Variants in REEP1 observed in about 807,000 individuals in gnomAD.
REEP1 encodes receptor expression-enhancing protein 1.
REEP1 carries 22 observed loss-of-function variants against 40.3 expected under a neutral mutation model. That is an observed-to-expected ratio of 0.55 (90% CI 0.39 to 0.78). REEP1 has a LOEUF of 0.78. Ranked by LOEUF, REEP1 falls within the 30% of genes least tolerant of loss-of-function variation. REEP1 has a pLI of 0.00. For missense variants in REEP1, 280 were observed against 361.1 expected, an observed-to-expected ratio of 0.78 and a Z score of 1.82; for synonymous variants, 116 against 139.2, an observed-to-expected ratio of 0.83 and a Z score of 1.17.
chr2:86,217,146 G>A (rs775245928), intron 8 of REEP1, 36 bp from the exon 9 acceptor site: 1 of 1,567,174 alleles, frequency 6.4e-7, no homozygotes, highest in African/African-American at 1.4e-5. Context: ...CCTCAGTTTG[G>A]TGTAAATGTG....
At chr2:86,245,890 G>C (rs544435202) in intron 5 of REEP1, among the ~76,000 whole-genome samples, 1 of 151,058 alleles carries the variant, frequency 6.6e-6, no homozygotes, top group African/African-American at 2.4e-5. Flanking sequence ...TCAGCCTCCC[G>C]AGTAGCTGGG....
intron 2 of REEP1, among the ~76,000 whole-genome samples, chr2:86,277,917 A>C (rs1037571532): frequency 1.3e-5 from 2 of 152,238 alleles, no homozygotes; most frequent in African/African-American, 4.8e-5. Context: ...AGGTGCAAAT[A>C]AATTTTGTCC....
intron 2 of REEP1, among the ~76,000 whole-genome samples, 182 bp from the exon 3 acceptor site, chr2:86,264,223 G>A (rs2104304731): frequency 6.6e-6 from 1 of 152,146 alleles, no homozygotes; most frequent in East Asian, 1.9e-4. Context: ...TCTTGAAGCT[G>A]GAAGCAAATG....
At chr2:86,306,592 A>G (rs377621941) in intron 1 of REEP1, among the ~76,000 whole-genome samples, 3 of 152,230 alleles carry the variant, frequency 2.0e-5, no homozygotes, top group African/African-American at 7.2e-5. Flanking sequence ...GGGGACAAGC[A>G]GTTACTGTAA....
chr2:86,271,327 AAAAG>A lies in REEP1; in HGVS notation c.106-7290_106-7287del, dbSNP rs1361948804. On this transcript the variant is annotated intron_variant, in intron 2 of 8. Coordinates refer to ENST00000538924, the MANE Select transcript of REEP1 (RefSeq NM_001371279.1). Reference sequence around the variant, plus strand: ...CATAGTAAAACTGCTTAAAAAAAAAAAAAGAAAGAAAAGAAGAGAAAAAAAGAAA... The same window carrying A: ...CATAGTAAAACTGCTTAAAAAAAAAAAAAGAAAAGAAGAGAAAAAAAGAAA... 7.8e-4 allele frequency among the ~76,000 whole-genome samples: 119 copies of A among 152,044 alleles called. 1 individual carries two copies. In the East Asian group the frequency reaches 8.1e-3, roughly 10 times the overall value.
intron 1 of REEP1, among the ~76,000 whole-genome samples, chr2:86,297,359 G>A (rs1431658581): frequency 6.6e-6 from 1 of 152,224 alleles, no homozygotes; most frequent in East Asian, 1.9e-4. Flanking sequence ...TATCTCCTCT[G>A]CAAAATGTGG....
Position 86,232,731 on chromosome 2 carries a change from G to T in REEP1, c.489C>A (p.Gly163=). The T allele has an allele frequency of 6.2e-7, 1 of 1,608,822 alleles. No individual in the cohort carries two copies. ...GTGGGGGGCCCGAGGGAGCAGGGGC[G>T]CCGTCTCCCCTGATGGTGGTGAGGT... ...MQDLTTIRGD[G]APAPSGPPPP... Residue 163 remains glycine, a synonymous_variant, in exon 6 of 9, where the codon GGC becomes GGA. Coordinates refer to ENST00000538924, the MANE Select transcript of REEP1 (RefSeq NM_001371279.1).
intron 3 of REEP1, among the ~76,000 whole-genome samples, chr2:86,257,455 GA>G (rs974708817): frequency 6.6e-6 from 1 of 152,124 alleles, no homozygotes; most frequent in Non-Finnish European, 1.5e-5. Flanking sequence ...TATCCTTCCA[GA>G]GGTAGACTAG....
intron 5 of REEP1, among the ~76,000 whole-genome samples, chr2:86,235,700 A>G (rs1675282996): frequency 2.0e-5 from 3 of 152,206 alleles, no homozygotes; most frequent in African/African-American, 7.2e-5. Context: ...AACAGCAGGC[A>G]TCGTACACGT....
At chr2:86,222,160 A>T (rs1268784725) in intron 7 of REEP1, among the ~76,000 whole-genome samples, 1 of 152,202 alleles carries the variant, frequency 6.6e-6, no homozygotes, top group Non-Finnish European at 1.5e-5. Flanking sequence ...ACTCACACTT[A>T]CCAAAATCAC....
chr2:86,257,329 T>A (rs867272918), intron 3 of REEP1, among the ~76,000 whole-genome samples: 3 of 148,130 alleles, frequency 2.0e-5, no homozygotes, highest in Admixed American at 6.6e-5. Context: ...AGGTCATGCA[T>A]GCATATAGTT....
intron 2 of REEP1, among the ~76,000 whole-genome samples, chr2:86,266,091 G>A (rs1677119448): frequency 6.6e-6 from 1 of 152,154 alleles, no homozygotes; most frequent in Non-Finnish European, 1.5e-5. Flanking sequence ...CAGATCCACA[G>A]ATGACTTCGA....
chr2:86,263,576 T>A (rs200697088), intron 3 of REEP1, among the ~76,000 whole-genome samples: 1 of 152,110 alleles, frequency 6.6e-6, no homozygotes, highest in East Asian at 1.9e-4. Context: ...CAACTGTGAG[T>A]AGTGATTATG....
At chr2:86,307,884 A>T (rs1679573872) in intron 1 of REEP1, among the ~76,000 whole-genome samples, 1 of 152,242 alleles carries the variant, frequency 6.6e-6, no homozygotes, top group Non-Finnish European at 1.5e-5. Flanking sequence ...CAAATAGAAA[A>T]CTAGAAGAAA....
intron 5 of REEP1, chr2:86,240,171 C>T (rs900977726): frequency 1.3e-5 from 2 of 152,528 alleles, no homozygotes; most frequent in Non-Finnish European, 2.9e-5. Flanking sequence ...ATCACTCCCT[C>T]GCTCGCTCAC....
intron 1 of REEP1, among the ~76,000 whole-genome samples, chr2:86,299,524 A>G (rs1679163336): frequency 6.6e-6 from 1 of 152,210 alleles, no homozygotes; most frequent in Admixed American, 6.5e-5. Flanking sequence ...CAAGGGTTAT[A>G]TGTGTGCCTT....
chr2:86,288,445 C>G (rs1678525856), intron 1 of REEP1, among the ~76,000 whole-genome samples: 1 of 152,152 alleles, frequency 6.6e-6, no homozygotes, highest in Non-Finnish European at 1.5e-5. Flanking sequence ...TATGTGCCAC[C>G]TGCATCCAGT....
Position 86,232,679 on chromosome 2 carries a change from T to G in REEP1, c.541A>C (p.Lys181Gln). The G allele has an allele frequency of 6.2e-7, 1 of 1,612,450 alleles. No homozygotes were observed. Among genetic ancestry groups the G allele is most frequent in the South Asian group, 1.1e-5 (1 of 91,080 alleles). The change falls in exon 6 of 9, where the codon AAA (lysine) becomes CAA (glutamine). Residue 181 changes from lysine (K) to glutamine (Q), a missense_variant. By Grantham distance (53) the Lys-to-Gln change is moderately conservative. Coordinates refer to ENST00000538924, the MANE Select transcript of REEP1 (RefSeq NM_001371279.1). ...PPPGSGRASG[K>Q]HGQPKMSRSA... ...CTGGACATCTTAGGCTGGCCGTGTT[T>G]GCCGCTGGCCCGCCCAGACCCCGGT...
chr2:86,251,942 C>G lies in REEP1; in HGVS notation c.417+15G>C, dbSNP rs755153738. 2 of 1,587,540 alleles carry G rather than the reference C, an allele frequency of 1.3e-6. No homozygotes were observed. Among genetic ancestry groups the G allele is most frequent in the Non-Finnish European group, 1.7e-6 (2 of 1,156,520 alleles). ...GACTGAGACTCATGTAGTTGTGGTACTTCCAGCACAGTACCTTGGAAGCAG... is the reference window on the plus strand; with the variant it reads ...GACTGAGACTCATGTAGTTGTGGTAGTTCCAGCACAGTACCTTGGAAGCAG... On this transcript the variant is annotated intron_variant, in intron 5 of 8. Transcript: ENST00000538924.
Sources: allele counts gnomAD v4.1 joint callset (sites outside exome capture counted in the v4.1 genomes callset), GRCh38; gene constraint gnomAD v4.1.1; transcripts MANE v1.5; gene names NCBI Gene and HGNC (gene_info 2026-07-23, HGNC 2026-07-21).